LYRM4: variants seen among roughly 807,000 people sequenced by gnomAD.
LYRM4 encodes the protein LYR motif-containing protein 4.
Under a neutral mutation model 11.7 loss-of-function variants are expected in LYRM4, and 9 were observed. The observed-to-expected ratio is 0.77, with a 90% CI of 0.46 to 1.34. LYRM4 has a LOEUF of 1.34. LYRM4 is among the 40% of genes most tolerant of loss of function. The pLI is 0.00. For missense variants in LYRM4, 133 were observed against 112.5 expected, an observed-to-expected ratio of 1.18 and a Z score of -0.82; for synonymous variants, 42 against 40.4, an observed-to-expected ratio of 1.04 and a Z score of -0.15.
chr6:5,056,508 A>T, the LYRM4 span, among the ~76,000 whole-genome samples: 2 of 152,228 alleles, frequency 1.3e-5, no homozygotes, highest in African/African-American at 4.8e-5. Context: ...ACCTATGCAT[A>T]GTCTTGTAAC....
intron 2 of LYRM4, among the ~76,000 whole-genome samples, chr6:5,112,830 C>A (rs1762944644): frequency 6.6e-6 from 1 of 151,760 alleles, no homozygotes; most frequent in African/African-American, 2.4e-5. Flanking sequence ...GGAGCTGGGG[C>A]AGGGTAAGAA....
intron 2 of LYRM4, among the ~76,000 whole-genome samples, chr6:5,152,877 G>A (rs1758171427): frequency 6.6e-6 from 1 of 152,196 alleles, no homozygotes; most frequent in African/African-American, 2.4e-5. Flanking sequence ...CAAACTTGCT[G>A]CCAGATGAGA....
chr6:5,035,114 C>T, the LYRM4 span, among the ~76,000 whole-genome samples: 1 of 152,094 alleles, frequency 6.6e-6, no homozygotes, highest in Admixed American at 6.5e-5. Context: ...TGACCAGACG[C>T]TCACAGAACC....
chr6:5,069,289 T>C, the LYRM4 span, among the ~76,000 whole-genome samples: 3 of 151,954 alleles, frequency 2.0e-5, no homozygotes, highest in African/African-American at 7.2e-5. Flanking sequence ...TAATACGTAC[T>C]CTATTAGAAA....
At chr6:5,085,893 C>T in the LYRM4 span, 1 of 1,531,212 alleles carries the variant, frequency 6.5e-7, no homozygotes, top group Non-Finnish European at 8.7e-7. Context: ...AGTTCGCGGA[C>T]ACGCTGGGGC....
At chr6:5,198,372 T>A (rs1761194690) in intron 2 of LYRM4, among the ~76,000 whole-genome samples, 1 of 152,204 alleles carries the variant, frequency 6.6e-6, no homozygotes, top group African/African-American at 2.4e-5. Context: ...GCATCAGGTT[T>A]GTCAAGAAGA....
chr6:5,183,677 A>G (rs1255145068), intron 2 of LYRM4, among the ~76,000 whole-genome samples: 1 of 152,210 alleles, frequency 6.6e-6, no homozygotes. Flanking sequence ...AATCAAGTGT[A>G]TGGCACAGAA....
chr6:5,210,707 T>C (rs1249489843), intron 2 of LYRM4, among the ~76,000 whole-genome samples: 2 of 152,214 alleles, frequency 1.3e-5, no homozygotes, highest in Non-Finnish European at 2.9e-5. Context: ...TTCATCATTC[T>C]ACTTTCAATT....
At chr6:5,042,512 C>T in the LYRM4 span, 1 of 152,664 alleles carries the variant, frequency 6.6e-6, no homozygotes, top group East Asian at 1.9e-4. Flanking sequence ...CTAGGCTACC[C>T]ATGGGGACCT....
At position 5,109,424 on chromosome 6, in the gene LYRM4, T is replaced by A. The variant is rs1762775289; in HGVS notation, c.275A>T (p.Ter92LeuextTer21). 6.2e-7 allele frequency: 1 copy of A among 1,614,058 alleles called. No individual in the cohort carries two copies. Among genetic ancestry groups the A allele is most frequent in the Non-Finnish European group, 8.5e-7 (1 of 1,179,922 alleles). The change falls in exon 3 of 3, where the codon TAG (stop) becomes TTG (leucine). Residue 92 changes from the stop codon to leucine, a stop_lost. Coordinates refer to ENST00000330636, the MANE Select transcript of LYRM4 (RefSeq NM_020408.6). Reference protein sequence around the residue: ...IIENRDMPRT* With the variant: ...IIENRDMPRTL ...CACTGGTGGCTGGTCCCCGGCTTGC[T>A]AGGTCCTGGGCATGTCTCGATTCTC...
the LYRM4 span, chr6:5,086,500 T>A: frequency 1.3e-6 from 2 of 1,535,958 alleles, no homozygotes; most frequent in African/African-American, 2.7e-5. Flanking sequence ...GGGCGAGTAC[T>A]GGGACAACAA....
chr6:5,160,661 C>A (rs1406990778), intron 2 of LYRM4, among the ~76,000 whole-genome samples: 1 of 151,226 alleles, frequency 6.6e-6, no homozygotes, highest in Admixed American at 6.6e-5. Context: ...GACCCCCCCC[C>A]CAGCAATGTG....
At chr6:5,242,593 G>A (rs1368045733) in intron 1 of LYRM4, among the ~76,000 whole-genome samples, 1 of 150,764 alleles carries the variant, frequency 6.6e-6, no homozygotes. Flanking sequence ...GGTGGCGTGC[G>A]CCTGTAATCC....
At chr6:5,218,239 GC>G (rs1762390418) in intron 1 of LYRM4, 21 of 984,614 alleles carry the variant, frequency 2.1e-5, no homozygotes, top group Admixed American at 6.1e-5. Flanking sequence ...AGACTGCTCT[GC>G]TTTTAACTTG....
intron 2 of LYRM4, chr6:5,138,867 T>C: frequency 2.7e-4 from 162 of 591,008 alleles, no homozygotes; most frequent in East Asian, 4.1e-4. Flanking sequence ...AGAAATGAGA[T>C]TAATCCTTTA....
At chr6:5,115,843 G>C (rs1032505861) in intron 2 of LYRM4, among the ~76,000 whole-genome samples, 1 of 152,142 alleles carries the variant, frequency 6.6e-6, no homozygotes, top group Admixed American at 6.5e-5. Context: ...ATGGTATTAA[G>C]AGGATACAGA....
chr6:5,182,904 AT>A (rs1418428647), intron 2 of LYRM4, among the ~76,000 whole-genome samples: 2 of 152,214 alleles, frequency 1.3e-5, no homozygotes, highest in Admixed American at 6.5e-5. Context: ...GTTATAGAGA[AT>A]TTTTTATTGT....
chr6:5,250,198 T>A (rs2127769054), intron 1 of LYRM4, among the ~76,000 whole-genome samples: 1 of 152,128 alleles, frequency 6.6e-6, no homozygotes, highest in African/African-American at 2.4e-5. Context: ...GTATTTTATT[T>A]TATTATATTT....
chr6:5,163,943 A>G (rs897158166), intron 2 of LYRM4, among the ~76,000 whole-genome samples: 5 of 152,174 alleles, frequency 3.3e-5, no homozygotes, highest in Admixed American at 3.3e-4. Flanking sequence ...GGGAACATTA[A>G]CAACTTTATA....
Sources: allele counts gnomAD v4.1 joint callset (sites outside exome capture counted in the v4.1 genomes callset), GRCh38; gene constraint gnomAD v4.1.1; transcripts MANE v1.5; gene names NCBI Gene and HGNC (gene_info 2026-07-23, HGNC 2026-07-21).